Variants in RAD51B observed in about 807,000 individuals in gnomAD.
RAD51B encodes DNA repair protein RAD51 homolog 2.
RAD51B carries 38 observed loss-of-function variants against 42.2 expected under a neutral mutation model. The observed-to-expected ratio is 0.90, with a 90% CI of 0.70 to 1.18. RAD51B has a LOEUF of 1.18. Ranked by LOEUF, RAD51B falls within the 50% of genes most tolerant of loss-of-function variation. RAD51B has a pLI of 0.00. For synonymous variants in RAD51B, 154 were observed against 145.2 expected (o/e 1.06, Z -0.43); for missense variants, 373 against 400.7 (o/e 0.93, Z 0.59).
chr14:67,856,718 G>A (rs908678377), intron 4 of RAD51B, among the ~76,000 whole-genome samples: 2 of 152,156 alleles, frequency 1.3e-5, no homozygotes, highest in African/African-American at 4.8e-5. Flanking sequence ...AAAAGTTTAA[G>A]ATGAGCAGGC....
intron 7 of RAD51B, among the ~76,000 whole-genome samples, chr14:68,089,161 A>G (rs955143647): frequency 6.6e-6 from 1 of 152,024 alleles, no homozygotes; most frequent in Non-Finnish European, 1.5e-5. Flanking sequence ...TCTCTGGAGT[A>G]TTAATGGAGA....
chr14:68,631,985 G>A (rs142645956), intron 10 of RAD51B, among the ~76,000 whole-genome samples: 127 of 152,310 alleles, frequency 8.3e-4, no homozygotes, highest in African/African-American at 3.0e-3. Context: ...ACTGAGTGAA[G>A]CAGGCCAGGA....
chr14:67,933,350 G>A (rs1314676851), intron 7 of RAD51B, among the ~76,000 whole-genome samples: 1 of 152,160 alleles, frequency 6.6e-6, no homozygotes, highest in African/African-American at 2.4e-5. Flanking sequence ...TGGAGATATG[G>A]GGCCTCTGAT....
At chr14:68,400,264 G>A (rs998154951) in intron 8 of RAD51B, among the ~76,000 whole-genome samples, 10 of 152,288 alleles carry the variant, frequency 6.6e-5, no homozygotes, top group Non-Finnish European at 1.2e-4. Flanking sequence ...TATGTAAAGC[G>A]ACCAAATGTT....
intron 10 of RAD51B, among the ~76,000 whole-genome samples, chr14:68,511,303 C>G (rs141389729): frequency 5.4e-4 from 83 of 152,300 alleles, no homozygotes; most frequent in African/African-American, 2.0e-3. Context: ...GTTACTGCAG[C>G]CTTCACTTGG....
At chr14:68,435,621 G>A (rs1257744967) in intron 9 of RAD51B, among the ~76,000 whole-genome samples, 1 of 151,528 alleles carries the variant, frequency 6.6e-6, no homozygotes, top group African/African-American at 2.4e-5. Flanking sequence ...TACAGTGGCT[G>A]AACTATCTAC....
intron 10 of RAD51B, among the ~76,000 whole-genome samples, chr14:68,507,668 G>A (rs1885432472): frequency 6.6e-6 from 1 of 152,188 alleles, no homozygotes; most frequent in Non-Finnish European, 1.5e-5. Context: ...GCTCACAATA[G>A]ACACTCAGTG....
intron 8 of RAD51B, among the ~76,000 whole-genome samples, chr14:68,382,165 G>A (rs34513056): frequency 1.0e-3 from 154 of 152,318 alleles, no homozygotes; most frequent in African/African-American, 3.5e-3. Flanking sequence ...CGCTATTGGC[G>A]TTTTGTGCCA....
At chr14:67,891,270 C>G (rs1421780134) in intron 7 of RAD51B, among the ~76,000 whole-genome samples, 1 of 152,024 alleles carries the variant, frequency 6.6e-6, no homozygotes, top group Non-Finnish European at 1.5e-5. Flanking sequence ...GAGGGAAATG[C>G]CTTATTTTCA....
intron 10 of RAD51B, among the ~76,000 whole-genome samples, chr14:68,572,853 A>G (rs1470334501): frequency 1.3e-5 from 2 of 152,200 alleles, no homozygotes; most frequent in Non-Finnish European, 2.9e-5. Flanking sequence ...ACTACACCTC[A>G]GGTACTGTAC....
intron 7 of RAD51B, among the ~76,000 whole-genome samples, chr14:68,272,665 ATTTTTTTTTTTTTTTTTTTTTT>A (rs71412311): frequency 4.2e-3 from 52 of 12,466 alleles, no homozygotes; most frequent in African/African-American, 0.014. Context: ...ATATATATAT[ATTTTTTTTTTTTTTTTTTTTTT>A]TTTTTTTTTT....
chr14:67,990,669 T>A (rs1385211150), intron 7 of RAD51B, among the ~76,000 whole-genome samples: 1 of 152,236 alleles, frequency 6.6e-6, no homozygotes, highest in Non-Finnish European at 1.5e-5. Context: ...GTTATGACTA[T>A]TTATTGCCTA....
intron 10 of RAD51B, among the ~76,000 whole-genome samples, chr14:68,471,192 G>A (rs2140240012): frequency 6.6e-6 from 1 of 152,264 alleles, no homozygotes; most frequent in South Asian, 2.1e-4. Flanking sequence ...GGCAGCTCCT[G>A]TGCTGCCAAC....
chr14:68,361,554 G>A (rs1016410850), intron 8 of RAD51B, among the ~76,000 whole-genome samples: 3 of 152,140 alleles, frequency 2.0e-5, no homozygotes, highest in Non-Finnish European at 2.9e-5. Context: ...TTCTTCCTGA[G>A]TCATATCCTC....
chr14:68,399,017 G>A (rs1245786471), intron 8 of RAD51B, among the ~76,000 whole-genome samples: 2 of 152,152 alleles, frequency 1.3e-5, no homozygotes, highest in African/African-American at 4.8e-5. Flanking sequence ...CTAGGATTCT[G>A]CATTTTACAA....
At chr14:68,063,632 A>C (rs1465823584) in intron 7 of RAD51B, among the ~76,000 whole-genome samples, 2 of 152,154 alleles carry the variant, frequency 1.3e-5, no homozygotes, top group Non-Finnish European at 2.9e-5. Context: ...GCTACTCAGG[A>C]GGCTGAGGCA....
At chr14:68,320,799 T>C (rs1219360864) in intron 8 of RAD51B, among the ~76,000 whole-genome samples, 1 of 152,236 alleles carries the variant, frequency 6.6e-6, no homozygotes, top group Non-Finnish European at 1.5e-5. Context: ...CCACAGTTGT[T>C]GACTGTGAAA....
chr14:68,650,468 G>C (rs1892678059), intron 10 of RAD51B, among the ~76,000 whole-genome samples: 1 of 152,196 alleles, frequency 6.6e-6, no homozygotes, highest in South Asian at 2.1e-4. Flanking sequence ...AGAAAACTCA[G>C]TTTCCTCAAA....
chr14:68,521,174 T>A (rs979554655), intron 10 of RAD51B, among the ~76,000 whole-genome samples: 1 of 152,170 alleles, frequency 6.6e-6, no homozygotes, highest in East Asian at 1.9e-4. Flanking sequence ...GCCACCCATA[T>A]GCAGAGCTCA....
Sources: allele counts gnomAD v4.1 joint callset (sites outside exome capture counted in the v4.1 genomes callset), GRCh38; gene constraint gnomAD v4.1.1; transcripts MANE v1.5; gene names NCBI Gene and HGNC (gene_info 2026-07-23, HGNC 2026-07-21).